The following CNTNAP2 variants were observed in gnomAD, a reference collection of about 807,000 sequenced individuals.
The protein encoded by CNTNAP2 is contactin associated protein 2.
A neutral mutation model predicts 155.2 loss-of-function variants in CNTNAP2; 98 were observed. The ratio of observed to expected loss-of-function variants is 0.63; its 90% CI spans 0.54 to 0.75. The LOEUF (loss-of-function observed/expected upper bound fraction) is 0.75, where lower values mean the gene tolerates loss of function less well. Ranked by LOEUF, CNTNAP2 falls within the 30% of genes least tolerant of loss-of-function variation. CNTNAP2 has a pLI of 0.00. For synonymous variants in CNTNAP2, 651 were observed against 631.2 expected, an observed-to-expected ratio of 1.03 and a Z score of -0.47; for missense variants, 1,727 against 1,688.1, an observed-to-expected ratio of 1.02 and a Z score of -0.40.
At chr7:147,327,859 AAAATGC>A (rs2116834507) in intron 9 of CNTNAP2, among the ~76,000 whole-genome samples, 1 of 152,300 alleles carries the variant, frequency 6.6e-6, no homozygotes, top group South Asian at 2.1e-4. Flanking sequence ...AGCAGGAGTG[AAAATGC>A]AAATGTCATC....
intron 14 of CNTNAP2, among the ~76,000 whole-genome samples, chr7:147,918,406 A>T (rs1299174249): frequency 6.6e-6 from 1 of 152,232 alleles, no homozygotes; most frequent in Non-Finnish European, 1.5e-5. Context: ...TTTAGTTCAC[A>T]TAGCAAAAAT....
chr7:146,210,289 G>C (rs1799013063), intron 1 of CNTNAP2, among the ~76,000 whole-genome samples: 1 of 152,124 alleles, frequency 6.6e-6, no homozygotes, highest in South Asian at 2.1e-4. Flanking sequence ...TTCCTATTAA[G>C]ACTGTGTGGG....
intron 1 of CNTNAP2, among the ~76,000 whole-genome samples, chr7:146,235,450 C>T (rs1019036281): frequency 2.0e-5 from 3 of 151,942 alleles, no homozygotes; most frequent in Admixed American, 6.6e-5. Context: ...CTTTATTTGG[C>T]AGGGAAGTGG....
intron 22 of CNTNAP2, among the ~76,000 whole-genome samples, chr7:148,400,818 A>G (rs1799566006): frequency 6.6e-6 from 1 of 152,070 alleles, no homozygotes; most frequent in South Asian, 2.1e-4. Context: ...AATCTCTACT[A>G]AAAATACAAA....
intron 13 of CNTNAP2, among the ~76,000 whole-genome samples, chr7:147,752,685 GT>G (rs1797154296): frequency 2.0e-5 from 3 of 152,166 alleles, no homozygotes; most frequent in African/African-American, 7.2e-5. Flanking sequence ...GCTGAGGTCA[GT>G]TTTCATAGCA....
intron 13 of CNTNAP2, among the ~76,000 whole-genome samples, chr7:147,892,256 A>G (rs1799707873): frequency 6.6e-6 from 1 of 152,238 alleles, no homozygotes; most frequent in African/African-American, 2.4e-5. Context: ...AACTTAGTTT[A>G]ACATTGAACT....
At chr7:147,441,721 C>T (rs896904735) in intron 10 of CNTNAP2, among the ~76,000 whole-genome samples, 5 of 151,880 alleles carry the variant, frequency 3.3e-5, no homozygotes, top group Admixed American at 6.6e-5. Context: ...TCATCTTGAT[C>T]GTCTTAAAGA....
chr7:147,031,927 C>T (rs1317578641), intron 3 of CNTNAP2, among the ~76,000 whole-genome samples: 3 of 152,146 alleles, frequency 2.0e-5, no homozygotes, highest in East Asian at 3.9e-4. Context: ...AAACAAAAGG[C>T]AAAATTAACT....
At chr7:147,189,445 G>A (rs1802634041) in intron 8 of CNTNAP2, among the ~76,000 whole-genome samples, 1 of 151,952 alleles carries the variant, frequency 6.6e-6, no homozygotes. Flanking sequence ...GTACAGATAG[G>A]GTAATACTCT....
intron 1 of CNTNAP2, among the ~76,000 whole-genome samples, chr7:146,374,473 G>A (rs1795279096): frequency 2.0e-5 from 3 of 152,280 alleles, no homozygotes; most frequent in South Asian, 2.1e-4. Flanking sequence ...ATATTCACAA[G>A]AGGCCACATT....
At chr7:147,155,482 G>C (rs1801906650) in intron 8 of CNTNAP2, among the ~76,000 whole-genome samples, 1 of 152,080 alleles carries the variant, frequency 6.6e-6, no homozygotes, top group Non-Finnish European at 1.5e-5. Context: ...TTTGGAGGAG[G>C]CCCCCTAGAG....
chr7:146,959,139 C>G lies in CNTNAP2; in HGVS notation c.403-84768C>G, dbSNP rs7809337. ...GGTTCAAGCGATTCTCCTGCCTCAG[C>G]CTGCCGAGTAACTGGGACTACAGGC... On this transcript the variant is annotated intron_variant, in intron 3 of 23. Transcript: ENST00000361727. 1.9e-3 allele frequency among the ~76,000 whole-genome samples: 289 copies of G among 152,144 alleles called. 2 individuals carry two copies. Among genetic ancestry groups the G allele is most frequent in the African/African-American group, 6.5e-3 (269 of 41,522 alleles).
rs529119365 is a variant in CNTNAP2, at chr7:147,328,552, C to T, written c.1498+28262C>T. On this transcript the variant is annotated intron_variant, in intron 9 of 23. Coordinates refer to ENST00000361727, the MANE Select transcript of CNTNAP2 (RefSeq NM_014141.6). The stretch of plus-strand genomic sequence containing the variant: ...CCAGAAACTACAGGCAAGAATAAGC[C>T]TTCCATCTCTGGAAATATTATAAAA... 7.2e-5 allele frequency among the ~76,000 whole-genome samples: 11 copies of T among 152,312 alleles called. No individual in the cohort carries two copies. In the East Asian group the frequency reaches 2.1e-3, roughly 29 times the overall value.
At chr7:147,015,979 A>G (rs1798716436) in intron 3 of CNTNAP2, among the ~76,000 whole-genome samples, 1 of 152,148 alleles carries the variant, frequency 6.6e-6, no homozygotes, top group Admixed American at 6.6e-5. Flanking sequence ...ATTATGAAGT[A>G]TATCGTGTGG....
intron 8 of CNTNAP2, among the ~76,000 whole-genome samples, chr7:147,194,744 C>T (rs773228993): frequency 2.0e-5 from 3 of 152,070 alleles, no homozygotes; most frequent in Non-Finnish European, 2.9e-5. Context: ...TGTTCATATC[C>T]TTTGCCCACT....
intron 12 of CNTNAP2, among the ~76,000 whole-genome samples, chr7:147,613,799 C>G (rs187151446): frequency 2.0e-5 from 3 of 151,984 alleles, no homozygotes; most frequent in African/African-American, 7.3e-5. Flanking sequence ...GCCAAAATCT[C>G]GCTACTACAC....
At chr7:146,183,001 T>C (rs540121436) in intron 1 of CNTNAP2, among the ~76,000 whole-genome samples, 1 of 152,338 alleles carries the variant, frequency 6.6e-6, no homozygotes, top group African/African-American at 2.4e-5. Flanking sequence ...CATTACCATT[T>C]AATTCTATTA....
At chr7:146,156,798 A>C (rs540446519) in intron 1 of CNTNAP2, among the ~76,000 whole-genome samples, 510 of 152,214 alleles carry the variant, frequency 3.4e-3, no homozygotes, top group Non-Finnish European at 6.1e-3. Context: ...AACAGGTTTC[A>C]CCATGTTGGC....
At chr7:147,521,541 T>G (rs1799228965) in intron 11 of CNTNAP2, among the ~76,000 whole-genome samples, 1 of 152,158 alleles carries the variant, frequency 6.6e-6, no homozygotes, top group South Asian at 2.1e-4. Context: ...TGCCCCAAGG[T>G]GTTTCCCATG....
Sources: gnomAD v4.1 joint callset for allele counts (sites outside exome capture counted in the v4.1 genomes callset) on GRCh38, gnomAD v4.1.1 for gene constraint, MANE v1.5 for transcripts, NCBI Gene and HGNC (gene_info 2026-07-23, HGNC 2026-07-21) for gene names.